SLC10A7: variants seen among roughly 807,000 people sequenced by gnomAD.
SLC10A7 encodes the protein sodium/bile acid cotransporter 7.
Under a neutral mutation model 43.2 loss-of-function variants are expected in SLC10A7, and 29 were observed. That is an observed-to-expected ratio of 0.67 (90% CI 0.50 to 0.92). The LOEUF (loss-of-function observed/expected upper bound fraction) is 0.92. Among genes scored for constraint, SLC10A7 ranks in the 40% least tolerant of loss-of-function variants. The pLI is 0.00. For synonymous variants in SLC10A7, 152 were observed against 144.8 expected (o/e 1.05, Z -0.35); for missense variants, 295 against 403.2 (o/e 0.73, Z 2.30).
At chr4:146,497,974 T>C (rs1290361584) in intron 4 of SLC10A7, among the ~76,000 whole-genome samples, 4 of 152,106 alleles carry the variant, frequency 2.6e-5, no homozygotes, top group Admixed American at 2.0e-4. Context: ...AGAACAGAAA[T>C]TTAAACTAAA....
At chr4:146,513,606 C>T (rs578123476) in intron 2 of SLC10A7, among the ~76,000 whole-genome samples, 1 of 152,260 alleles carries the variant, frequency 6.6e-6, no homozygotes, top group South Asian at 2.1e-4. Flanking sequence ...AATGATGGTA[C>T]AGTAAAGAAC....
chr4:146,308,728 A>G (rs1280476567), intron 6 of SLC10A7, among the ~76,000 whole-genome samples: 4 of 152,152 alleles, frequency 2.6e-5, no homozygotes, highest in African/African-American at 9.7e-5. Context: ...CTGCCAATCC[A>G]TGGTTTAAGA....
intron 1 of SLC10A7, among the ~76,000 whole-genome samples, chr4:146,519,405 A>G (rs915398217): frequency 6.7e-6 from 1 of 150,280 alleles, no homozygotes; most frequent in African/African-American, 2.4e-5. Context: ...CAATGAATAA[A>G]AGAAACAAAG....
intron 7 of SLC10A7, among the ~76,000 whole-genome samples, chr4:146,304,366 A>T (rs1428574053): frequency 1.3e-5 from 2 of 152,074 alleles, no homozygotes; most frequent in Non-Finnish European, 2.9e-5. Flanking sequence ...TAAGGTAAAG[A>T]CTTGCTAGAT....
At chr4:146,473,664 C>G (rs1733781916) in intron 4 of SLC10A7, among the ~76,000 whole-genome samples, 1 of 151,918 alleles carries the variant, frequency 6.6e-6, no homozygotes, top group South Asian at 2.1e-4. Context: ...TTTAAAAGAG[C>G]ATGAGACTAC....
intron 4 of SLC10A7, among the ~76,000 whole-genome samples, chr4:146,487,566 T>G (rs181242548): frequency 1.1e-4 from 17 of 152,310 alleles, no homozygotes; most frequent in African/African-American, 3.6e-4. Flanking sequence ...TTATGGAGTT[T>G]TGTTGTTTTT....
intron 5 of SLC10A7, among the ~76,000 whole-genome samples, chr4:146,341,852 A>C (rs1047371941): frequency 6.6e-6 from 1 of 151,856 alleles, no homozygotes; most frequent in Admixed American, 6.6e-5. Context: ...GGAACAATGA[A>C]ATGGTTCATA....
intron 4 of SLC10A7, among the ~76,000 whole-genome samples, chr4:146,474,647 T>C (rs1396606638): frequency 6.6e-6 from 1 of 152,094 alleles, no homozygotes; most frequent in Non-Finnish European, 1.5e-5. Flanking sequence ...AAGAAGGCAA[T>C]AAGGACAGAA....
chr4:146,521,593 G>A (rs1441685493), intron 1 of SLC10A7, 25 bp downstream of exon 1: 3 of 1,589,062 alleles, frequency 1.9e-6, no homozygotes, highest in East Asian at 2.2e-5. Flanking sequence ...AGCCGCGGTG[G>A]AGCCGGCAGA....
chr4:146,283,625 A>G (rs571646562), intron 9 of SLC10A7, among the ~76,000 whole-genome samples: 1 of 152,188 alleles, frequency 6.6e-6, no homozygotes, highest in Non-Finnish European at 1.5e-5. Context: ...ATATATCTCT[A>G]AAAATGCTCT....
At chr4:146,430,012 G>A (rs1231801609) in intron 5 of SLC10A7, among the ~76,000 whole-genome samples, 2 of 146,816 alleles carry the variant, frequency 1.4e-5, no homozygotes, top group African/African-American at 5.5e-5. Flanking sequence ...CGGATCACAG[G>A]ACTAAATGTA....
chr4:146,401,754 T>C (rs1231277246), intron 5 of SLC10A7, among the ~76,000 whole-genome samples: 1 of 152,126 alleles, frequency 6.6e-6, no homozygotes, highest in Non-Finnish European at 1.5e-5. Flanking sequence ...TCCATATGCT[T>C]GAAATATATT....
chr4:146,257,027 T>C, intron 11 of SLC10A7: 2 of 893,366 alleles, frequency 2.2e-6, no homozygotes, highest in South Asian at 1.6e-5. Flanking sequence ...CTAGAGCTTT[T>C]AAATGTTTGG....
At chr4:146,410,461 A>G (rs1356859114) in intron 5 of SLC10A7, among the ~76,000 whole-genome samples, 1 of 152,198 alleles carries the variant, frequency 6.6e-6, no homozygotes, top group African/African-American at 2.4e-5. Flanking sequence ...ATAAAAAGGA[A>G]AGTAGACACA....
intron 5 of SLC10A7, among the ~76,000 whole-genome samples, chr4:146,370,668 C>T (rs1485328833): frequency 6.6e-6 from 1 of 152,172 alleles, no homozygotes; most frequent in Non-Finnish European, 1.5e-5. Flanking sequence ...TCTTCCCCCA[C>T]AGCGCTCAGA....
chr4:146,257,612 T>C (rs1439144326), intron 11 of SLC10A7, among the ~76,000 whole-genome samples: 1 of 152,216 alleles, frequency 6.6e-6, no homozygotes, highest in East Asian at 1.9e-4. Flanking sequence ...GTGAACATCA[T>C]TGTAGATAAT....
At chr4:146,411,198 A>G (rs1269478506) in intron 5 of SLC10A7, among the ~76,000 whole-genome samples, 1 of 152,094 alleles carries the variant, frequency 6.6e-6, no homozygotes, top group Non-Finnish European at 1.5e-5. Context: ...AACTTCCTTA[A>G]GTGTCTTGAA....
chr4:146,451,281 T>G (rs1380733637), intron 4 of SLC10A7, among the ~76,000 whole-genome samples: 1 of 145,876 alleles, frequency 6.9e-6, no homozygotes. Flanking sequence ...CTGGCTTCAC[T>G]GCTGAATTCT....
intron 4 of SLC10A7, among the ~76,000 whole-genome samples, chr4:146,455,900 T>C (rs1302590531): frequency 6.6e-6 from 1 of 151,920 alleles, no homozygotes; most frequent in Admixed American, 6.6e-5. Flanking sequence ...TTAGGTCCCC[T>C]GAGAAAATTT....
Sources: allele counts gnomAD v4.1 joint callset (sites outside exome capture counted in the v4.1 genomes callset), GRCh38; gene constraint gnomAD v4.1.1; transcripts MANE v1.5; gene names NCBI Gene and HGNC (gene_info 2026-07-23, HGNC 2026-07-21).